The following ADCK1 variants were observed in gnomAD, a reference collection of about 807,000 sequenced individuals.
ADCK1 encodes the protein aarF domain containing kinase 1.
ADCK1 carries 41 observed loss-of-function variants against 52.3 expected under a neutral mutation model. The ratio of observed to expected loss-of-function variants is 0.78; its 90% confidence interval spans 0.61 to 1.02. ADCK1 has a LOEUF of 1.02. ADCK1 is among the 50% of genes least tolerant of loss of function. ADCK1 has a pLI of 0.00. For synonymous variants in ADCK1, 250 were observed against 274.6 expected (o/e 0.91, Z 0.89); for missense variants, 658 against 679.5 (o/e 0.97, Z 0.35).
chr14:77,833,766 C>G (rs1243065688), intron 3 of ADCK1, among the ~76,000 whole-genome samples: 2 of 152,248 alleles, frequency 1.3e-5, no homozygotes, highest in Non-Finnish European at 1.5e-5. Context: ...AAATGTGATT[C>G]TCCCTGGAGA....
Position 77,859,284 on chromosome 14 carries a change from C to T in ADCK1, c.423+5C>T, listed in dbSNP as rs748318021. 4 of 1,611,978 alleles carry T rather than the reference C, an allele frequency of 2.5e-6. No homozygotes were observed. The Admixed American group carries it at 5.0e-5, about 20-fold the overall frequency. ...CGAGAAGATCTGGGCAAGGAGGTAC[C>T]CACCTTTGCAGGGGGGATGGGCCTT... On this transcript the variant is annotated splice_donor_5th_base_variant and intron_variant, in intron 4 of 10. Coordinates refer to ENST00000238561, the MANE Select transcript of ADCK1 (RefSeq NM_020421.4).
chr14:77,858,520 G>A (rs1193814000), intron 3 of ADCK1, among the ~76,000 whole-genome samples: 1 of 152,122 alleles, frequency 6.6e-6, no homozygotes, highest in Non-Finnish European at 1.5e-5. Context: ...GATTACAAGC[G>A]TGAGCCACCG....
chr14:77,843,865 AAGCTTT>A (rs2082123344), intron 3 of ADCK1, among the ~76,000 whole-genome samples: 1 of 152,180 alleles, frequency 6.6e-6, no homozygotes, highest in African/African-American at 2.4e-5. Flanking sequence ...TTTATTCATT[AAGCTTT>A]CTTAGCCACT....
intron 3 of ADCK1, among the ~76,000 whole-genome samples, chr14:77,831,252 TCTC>T (rs2081842660): frequency 6.6e-6 from 1 of 152,160 alleles, no homozygotes; most frequent in African/African-American, 2.4e-5. Context: ...CTCTGTTTCT[TCTC>T]CTAAATTCCT....
intron 2 of ADCK1, among the ~76,000 whole-genome samples, chr14:77,819,850 A>G (rs56099290): frequency 0.043 from 6,582 of 152,196 alleles, 280 homozygotes; most frequent in African/African-American, 0.11. Flanking sequence ...CGTAGATTCA[A>G]TCTGATGCAC....
intron 4 of ADCK1, among the ~76,000 whole-genome samples, 164 bp from the exon 5 acceptor site, chr14:77,886,918 ACACACACAC>A (rs2083161779): frequency 2.2e-5 from 3 of 133,472 alleles, no homozygotes; most frequent in Admixed American, 7.2e-5. Flanking sequence ...ACACACACAC[ACACACACAC>A]ACACACACAC....
rs1350727870 is a variant in ADCK1, at chr14:77,842,455, C to T, written c.220-16621C>T. On this transcript the variant is annotated intron_variant, in intron 3 of 10. Coordinates refer to ENST00000238561, the MANE Select transcript of ADCK1 (RefSeq NM_020421.4). ...TCTTTCAGGGTATTTTTTTTTCCTT[C>T]CTTCCTTCCTTCCTTCCTTCCTTCC... is the stretch of plus-strand genomic sequence containing the variant. 3.2e-4 allele frequency among the ~76,000 whole-genome samples: 14 copies of T among 43,872 alleles called. No individual in the cohort carries two copies. The South Asian group carries it at 9.9e-3, about 31-fold the overall frequency. The allele number at this position is 43,872 out of a possible 152,430, so 28.8% of individuals were successfully genotyped here.
intron 3 of ADCK1, among the ~76,000 whole-genome samples, chr14:77,834,449 T>C (rs1339142272): frequency 6.6e-6 from 1 of 152,226 alleles, no homozygotes; most frequent in Non-Finnish European, 1.5e-5. Flanking sequence ...CCCTGCTGTT[T>C]TTGGCTACTC....
rs1264819449 is a variant in ADCK1 at position 77,890,128 on chromosome 14, C to G, written c.582+2879C>G. On this transcript the variant is annotated intron_variant, in intron 5 of 10. Coordinates refer to ENST00000238561, the MANE Select transcript of ADCK1 (RefSeq NM_020421.4). The stretch of plus-strand genomic sequence containing the variant: ...ATGAGTCACCTCAAAACACAGTGAG[C>G]TTAAAACAACAGTCATGTGTTTTGC... Among the ~76,000 whole-genome samples the G allele has an allele frequency of 3.9e-5, 6 of 152,238 alleles. No homozygotes were observed. In the East Asian group the frequency reaches 1.2e-3, roughly 29 times the overall value.
At chr14:77,906,564 A>G (rs1331096086) in intron 6 of ADCK1, among the ~76,000 whole-genome samples, 1 of 152,212 alleles carries the variant, frequency 6.6e-6, no homozygotes, top group Non-Finnish European at 1.5e-5. Context: ...AGTGCCTTAA[A>G]CAAAAGAATT....
At chr14:77,815,692 T>A (rs1395827733) in intron 1 of ADCK1, among the ~76,000 whole-genome samples, 2 of 151,694 alleles carry the variant, frequency 1.3e-5, no homozygotes, top group Admixed American at 1.3e-4. Flanking sequence ...CTAATTTTTG[T>A]ATTTTTAGTA....
chr14:77,827,962 G>A, intron 3 of ADCK1: 1 of 332,462 alleles, frequency 3.0e-6, no homozygotes, highest in South Asian at 2.2e-5. Context: ...CCAAGTAGCT[G>A]GGACTACAGG....
intron 4 of ADCK1, among the ~76,000 whole-genome samples, chr14:77,866,492 G>A (rs11159300): frequency 2.6e-5 from 4 of 151,964 alleles, no homozygotes; most frequent in African/African-American, 9.7e-5. Flanking sequence ...CTCCCACTTT[G>A]GGGGGTTACC....
In ADCK1 at chr14:77,844,518, C is replaced by A. The variant is rs184283222; in HGVS notation, c.220-14558C>A. Reference sequence around the variant, plus strand: ...AGTGGCGTTGGTCTTAGCTCTCCCCCCTGTTGGACTCCCTTAGAGAGGCAG... The same window carrying A: ...AGTGGCGTTGGTCTTAGCTCTCCCCACTGTTGGACTCCCTTAGAGAGGCAG... On this transcript the variant is annotated intron_variant, in intron 3 of 10. Transcript: ENST00000238561. 6.7e-4 allele frequency among the ~76,000 whole-genome samples: 102 copies of A among 152,274 alleles called. No individual in the cohort carries two copies. The East Asian group carries it at 0.011, about 17-fold the overall frequency.
chr14:77,928,568 TCTC>T (rs2084251568), intron 9 of ADCK1, among the ~76,000 whole-genome samples: 1 of 151,970 alleles, frequency 6.6e-6, no homozygotes. Context: ...TTCAAGCCAT[TCTC>T]CTGCCTCAGC....
At chr14:77,852,907 ATT>A (rs71303864) in intron 3 of ADCK1, among the ~76,000 whole-genome samples, 44 of 28,942 alleles carry the variant, frequency 1.5e-3, no homozygotes, top group African/African-American at 6.4e-3. Context: ...ATATATATAT[ATT>A]TTTTTTTTTT....
rs760460969 is a variant in ADCK1, at chr14:77,933,301, C to A, written c.1482C>A (p.Asn494Lys). ...AGGCCTTCAACTTATGGCAGATCAA[C>A]CTCCATGAGCTCATCCTGCGTGTGA... is the stretch of plus-strand genomic sequence containing the variant. ...FSEAFNLWQINLHELILRVKG... is the reference protein window; with the variant it reads ...FSEAFNLWQIKLHELILRVKG... Residue 494 changes from asparagine to lysine, a missense_variant, in exon 11 of 11, where the codon AAC becomes AAA. Transcript: ENST00000238561. 32 of 1,614,048 alleles carry A rather than the reference C, an allele frequency of 2.0e-5. No individual in the cohort carries two copies. The highest frequency in any genetic ancestry group is 2.5e-5 in the Non-Finnish European group (30 of 1,180,046).
intron 7 of ADCK1, 26 bp downstream of exon 7, chr14:77,907,945 G>A (rs773829514): frequency 4.4e-6 from 7 of 1,605,728 alleles, no homozygotes; most frequent in African/African-American, 1.3e-5. Context: ...CAGGGCTGCT[G>A]TGCCGGGGAA....
At chr14:77,874,607 T>A (rs979544790) in intron 4 of ADCK1, among the ~76,000 whole-genome samples, 2 of 152,160 alleles carry the variant, frequency 1.3e-5, no homozygotes, top group African/African-American at 4.8e-5. Context: ...CAGGGGCTAC[T>A]GTATGTGGAC....
Sources: allele counts gnomAD v4.1 joint callset (sites outside exome capture counted in the v4.1 genomes callset), GRCh38; gene constraint gnomAD v4.1.1; transcripts MANE v1.5; gene names NCBI Gene and HGNC (gene_info 2026-07-23, HGNC 2026-07-21).